Variants in TET1 observed in about 807,000 individuals in gnomAD.
TET1 encodes tet methylcytosine dioxygenase 1.
A neutral mutation model predicts 148.7 loss-of-function variants in TET1; 13 were observed. The ratio of observed to expected loss-of-function variants is 0.09; its 90% confidence interval spans 0.06 to 0.14. The LOEUF is 0.14. Ranked by LOEUF, TET1 falls within the 10% of genes least tolerant of loss-of-function variation. The probability of loss-of-function intolerance (pLI) is 1.00; values close to 1 mark genes in which losing one functional copy is unlikely to be tolerated. For synonymous variants in TET1, 907 were observed against 937.2 expected (o/e 0.97, Z 0.59); for missense variants, 2,182 against 2,553.8 (o/e 0.85, Z 3.14).
intron 11 of TET1, 33 bp downstream of exon 11, chr10:68,686,740 A>G: frequency 6.4e-7 from 1 of 1,563,774 alleles, no homozygotes; most frequent in Non-Finnish European, 8.7e-7. Context: ...ATCTCTGCAC[A>G]ACTTTGATGG....
At chr10:68,579,850 C>G (rs1652068930) in intron 2 of TET1, among the ~76,000 whole-genome samples, 1 of 152,094 alleles carries the variant, frequency 6.6e-6, no homozygotes, top group African/African-American at 2.4e-5. Flanking sequence ...CATACTCTTG[C>G]CTCAGTCTCC....
intron 6 of TET1, among the ~76,000 whole-genome samples, chr10:68,662,236 T>G (rs2055131104): frequency 6.6e-6 from 1 of 152,060 alleles, no homozygotes; most frequent in Non-Finnish European, 1.5e-5. Context: ...CTCGAACTCC[T>G]GACCTCAAGT....
intron 8 of TET1, 78 bp downstream of exon 8, chr10:68,673,123 T>C (rs2055297246): frequency 1.6e-6 from 2 of 1,281,854 alleles, no homozygotes; most frequent in Non-Finnish European, 1.1e-6. Flanking sequence ...TTAACATTTT[T>C]TGAAACACTA....
At position 68,573,138 on chromosome 10, in the gene TET1, G is replaced by T. The variant is rs146402620; in HGVS notation, c.800G>T (p.Ser267Ile). The change falls in exon 2 of 12, where the codon AGC becomes ATC. Residue 267 changes from serine (S) to isoleucine (I), a missense_variant. Physicochemically the swap from Ser to Ile is moderately radical, Grantham distance 142. Transcript: ENST00000373644. Reference sequence around the variant, plus strand: ...AAAGTTACCTCTCAAGGAAACCCCAGCATTCAGTTAGAAGAGTTGGGTTCA... The same window carrying T: ...AAAGTTACCTCTCAAGGAAACCCCATCATTCAGTTAGAAGAGTTGGGTTCA... ...TPKVTSQGNPSIQLEELGSRV... is the reference protein window; with the variant it reads ...TPKVTSQGNPIIQLEELGSRV... 2.0e-5 allele frequency: 33 copies of T among 1,614,014 alleles called. No homozygotes were observed. The highest frequency in any genetic ancestry group is 1.6e-4 in the Middle Eastern group (1 of 6,084).
At chr10:68,640,669 A>G (rs2054737584) in intron 3 of TET1, among the ~76,000 whole-genome samples, 2 of 137,922 alleles carry the variant, frequency 1.5e-5, no homozygotes, top group South Asian at 4.8e-4. Flanking sequence ...CTCCTGCCTC[A>G]GCCTCCCAAG....
At chr10:68,634,092 C>T (rs2054616234) in intron 3 of TET1, among the ~76,000 whole-genome samples, 1 of 152,070 alleles carries the variant, frequency 6.6e-6, no homozygotes. Context: ...ACCATGTTGC[C>T]TAGACTGTTC....
At chr10:68,644,613 A>G (rs2054811217) in intron 3 of TET1, 85 bp from the exon 4 acceptor site, 1 of 1,347,872 alleles carries the variant, frequency 7.4e-7, no homozygotes, top group Non-Finnish European at 9.9e-7. Flanking sequence ...GGGGCTTTAC[A>G]TTTAGTTGTT....
Position 68,572,611 on chromosome 10 carries a change from T to C in TET1, c.273T>C (p.Phe91=), listed in dbSNP as rs1413204742. 2 of 1,614,008 alleles carry C rather than the reference T, an allele frequency of 1.2e-6. No individual in the cohort carries two copies. Among genetic ancestry groups the C allele is most frequent in the East Asian group, 2.2e-5 (1 of 44,890 alleles). Residue 91 remains phenylalanine, a synonymous_variant, in exon 2 of 12, where the codon TTT becomes TTC. Coordinates refer to ENST00000373644, the MANE Select transcript of TET1 (RefSeq NM_030625.3). ...RMNLDRTEVL[F]QNPESLTCNG... is the part of the protein sequence containing the mutation. ...ATTTGGATAGGACTGAGGTTCTTTT[T>C]CAGAACCCAGAGTCCTTAACCTGCA...
Position 68,611,764 on chromosome 10 carries a change from A to G in TET1, c.1968+10730A>G, listed in dbSNP as rs1370744916. ...GCCCAGGCTGGAGTGTAATGGTGCG[A>G]TCTCCGCTCACTGCAACCTCTGCCT... On this transcript the variant is annotated intron_variant, in intron 3 of 11. Transcript: ENST00000373644. Among the ~76,000 whole-genome samples, 5 of 136,142 alleles carry G rather than the reference A, an allele frequency of 3.7e-5. No homozygotes were observed. The Admixed American group carries it at 4.1e-4, about 11-fold the overall frequency. 89.3% of individuals were successfully genotyped at this position (136,142 alleles called of 152,430 possible). A position where few individuals can be genotyped will look rare whatever the true frequency, so the allele number is the denominator to read the frequency against.
intron 3 of TET1, among the ~76,000 whole-genome samples, chr10:68,635,176 C>G (rs991078201): frequency 6.6e-6 from 1 of 151,506 alleles, no homozygotes; most frequent in African/African-American, 2.4e-5. Flanking sequence ...AGGTTTTTCT[C>G]AAATGTTGGA....
At chr10:68,659,011 T>TGAGACCAGGAGTTC (rs2055066025) in intron 6 of TET1, among the ~76,000 whole-genome samples, 1 of 152,140 alleles carries the variant, frequency 6.6e-6, no homozygotes, top group Non-Finnish European at 1.5e-5. Flanking sequence ...GCAGATCACT[T>TGAGACCAGGAGTTC]GAGACCAGGA....
chr10:68,595,919 CATATATATAT>C (rs374124558), intron 2 of TET1, among the ~76,000 whole-genome samples: 16 of 34,526 alleles, frequency 4.6e-4, no homozygotes, highest in Middle Eastern at 0.016. Flanking sequence ...CCAGCCAAAA[CATATATATAT>C]ATATATATAT....
At chr10:68,576,814 C>T (rs2053736320) in intron 2 of TET1, among the ~76,000 whole-genome samples, 1 of 152,072 alleles carries the variant, frequency 6.6e-6, no homozygotes, top group South Asian at 2.1e-4. Context: ...CTCCCAAGTT[C>T]AAGCAACTTC....
chr10:68,583,026 A>G (rs911102351), intron 2 of TET1, among the ~76,000 whole-genome samples: 3 of 152,216 alleles, frequency 2.0e-5, no homozygotes, highest in Non-Finnish European at 4.4e-5. Flanking sequence ...AGCAGTTCAA[A>G]TCTTACCCTG....
At chr10:68,614,086 G>A (rs1454330026) in intron 3 of TET1, among the ~76,000 whole-genome samples, 1 of 152,188 alleles carries the variant, frequency 6.6e-6, no homozygotes, top group Non-Finnish European at 1.5e-5. Context: ...TTAATGGATA[G>A]TGTAAAATAG....
rs867062309 is a variant in TET1 at position 68,572,429 on chromosome 10, A to G, written c.91A>G (p.Thr31Ala). 6.2e-7 allele frequency: 1 copy of G among 1,614,072 alleles called. No homozygotes were observed. The highest frequency in any genetic ancestry group is 1.1e-5 in the South Asian group (1 of 91,064). The change falls in exon 2 of 12, where the codon ACC (threonine) becomes GCC (alanine). Residue 31 changes from threonine (T) to alanine (A), a missense_variant. Physicochemically the swap from Thr to Ala is moderately conservative, Grantham distance 58. Transcript: ENST00000373644. Reference protein sequence around the residue: ...KKKNSQLRKTTKGANKNVASV... With the variant: ...KKKNSQLRKTAKGANKNVASV... ...GAAAAACAGCCAACTACGAAAGACA[A>G]CCAAGGGAGCCAACAAAAATGTGGC...
intron 7 of TET1, 115 bp from the exon 8 acceptor site, chr10:68,672,780 T>C: frequency 1.4e-6 from 1 of 718,494 alleles, no homozygotes; most frequent in Non-Finnish European, 2.2e-6. Context: ...AATAGATAAG[T>C]GTTATAACCG....
At chr10:68,683,851 G>A (rs2055473176) in intron 10 of TET1, among the ~76,000 whole-genome samples, 1 of 152,174 alleles carries the variant, frequency 6.6e-6, no homozygotes, top group Admixed American at 6.6e-5. Flanking sequence ...TTTGCATTCT[G>A]GTATGCCTAC....
intron 2 of TET1, among the ~76,000 whole-genome samples, chr10:68,599,616 CT>C (rs1390366843): frequency 2.0e-5 from 3 of 152,226 alleles, no homozygotes; most frequent in African/African-American, 7.2e-5. Flanking sequence ...TGTTCTACCC[CT>C]GGCTCAGGTC....
Sources: gnomAD v4.1 joint callset for allele counts (sites outside exome capture counted in the v4.1 genomes callset) on GRCh38, gnomAD v4.1.1 for gene constraint, MANE v1.5 for transcripts, NCBI Gene and HGNC (gene_info 2026-07-23, HGNC 2026-07-21) for gene names.